Variants in CHD1L observed in about 807,000 individuals in gnomAD.
CHD1L encodes the protein chromodomain helicase DNA binding protein 1 like.
CHD1L carries 118 observed loss-of-function variants against 115.9 expected under a neutral mutation model. The ratio of observed to expected loss-of-function variants is 1.02; its 90% confidence interval spans 0.88 to 1.19. The LOEUF (loss-of-function observed/expected upper bound fraction) is 1.19, where lower values mean the gene tolerates loss of function less well. Ranked by LOEUF, CHD1L falls within the 50% of genes most tolerant of loss-of-function variation. The pLI is 0.00. For missense variants in CHD1L, 1,179 were observed against 1,065.3 expected, an observed-to-expected ratio of 1.11 and a Z score of -1.49; for synonymous variants, 411 against 387.1, an observed-to-expected ratio of 1.06 and a Z score of -0.72.
At chr1:147,283,574 C>T (rs1681787473) in intron 15 of CHD1L, among the ~76,000 whole-genome samples, 1 of 152,158 alleles carries the variant, frequency 6.6e-6, no homozygotes, top group African/African-American at 2.4e-5. Context: ...TACTCTTTTA[C>T]ACAGTTGGAA....
chr1:147,215,860 T>C, the CHD1L span: 4 of 1,613,414 alleles, frequency 2.5e-6, no homozygotes, highest in South Asian at 1.1e-5. Flanking sequence ...TGGGATTGGA[T>C]AGTCACTGAA....
the CHD1L span, among the ~76,000 whole-genome samples, chr1:147,206,664 C>CA: frequency 6.6e-6 from 1 of 152,002 alleles, no homozygotes; most frequent in African/African-American, 2.4e-5. Context: ...ATCGCAAGGA[C>CA]AAAAAACCAA....
chr1:147,270,801 A>G lies in CHD1L; in HGVS notation c.1086-131A>G, dbSNP rs182633078. On this transcript the variant is annotated intron_variant, in intron 10 of 22. Coordinates refer to ENST00000369258, the MANE Select transcript of CHD1L (RefSeq NM_004284.6). ...TTGGAGGTTCTGAGGCAGTCTATAA[A>G]TCATACGACACTTATATTTCTACTT... 2.7e-4 allele frequency: 197 copies of G among 720,132 alleles called. No homozygotes were observed. The African/African-American group carries it at 3.1e-3, about 11-fold the overall frequency. 44.6% of individuals were successfully genotyped at this position (720,132 alleles called of 1,614,324 possible). A position where few individuals can be genotyped will look rare whatever the true frequency, so the allele number is the denominator to read the frequency against.
the CHD1L span, among the ~76,000 whole-genome samples, chr1:147,206,888 CA>C: frequency 2.0e-5 from 3 of 151,784 alleles, no homozygotes; most frequent in East Asian, 5.8e-4. Flanking sequence ...ACATATATAA[CA>C]AACCTGCACG....
At chr1:147,199,757 GC>G in the CHD1L span, among the ~76,000 whole-genome samples, 1 of 152,172 alleles carries the variant, frequency 6.6e-6, no homozygotes, top group Admixed American at 6.5e-5. Flanking sequence ...TACATAATCT[GC>G]TGGATAGGAC....
At chr1:147,214,548 C>T in the CHD1L span, among the ~76,000 whole-genome samples, 1 of 151,912 alleles carries the variant, frequency 6.6e-6, no homozygotes, top group Non-Finnish European at 1.5e-5. Flanking sequence ...TGTTCTTTTA[C>T]ACAGGCTGGT....
intron 1 of CHD1L, among the ~76,000 whole-genome samples, chr1:147,243,779 A>G (rs1553932608): frequency 6.6e-6 from 1 of 152,214 alleles, no homozygotes; most frequent in Admixed American, 6.5e-5. Flanking sequence ...GAGCAAAACA[A>G]ATAGGGACCC....
chr1:147,269,930 T>C (rs1322754651), intron 10 of CHD1L, among the ~76,000 whole-genome samples: 1 of 152,178 alleles, frequency 6.6e-6, no homozygotes, highest in African/African-American at 2.4e-5. Context: ...CTGTATTTCA[T>C]TGGTTCTCGT....
chr1:147,294,156 C>G (rs1686678782), intron 21 of CHD1L, among the ~76,000 whole-genome samples: 1 of 152,138 alleles, frequency 6.6e-6, no homozygotes, highest in Admixed American at 6.5e-5. Flanking sequence ...GTTAGAGAAT[C>G]TTTGCTTATT....
intron 20 of CHD1L, among the ~76,000 whole-genome samples, chr1:147,292,929 C>A (rs1686110827): frequency 6.6e-6 from 1 of 152,198 alleles, no homozygotes; most frequent in Non-Finnish European, 1.5e-5. Flanking sequence ...CCAAACTACA[C>A]AGTGACTAAC....
intron 9 of CHD1L, 104 bp from the exon 10 acceptor site, chr1:147,268,678 A>T (rs1674919227): frequency 1.2e-6 from 1 of 812,780 alleles, no homozygotes; most frequent in African/African-American, 1.7e-5. Context: ...TCATGCAAAC[A>T]ACTACTTATA....
intron 17 of CHD1L, among the ~76,000 whole-genome samples, chr1:147,286,084 C>T (rs1553965434): frequency 6.6e-6 from 1 of 152,192 alleles, no homozygotes; most frequent in African/African-American, 2.4e-5. Flanking sequence ...AAAACAGGAA[C>T]ATTCAGGGAG....
rs116279006 is a variant in CHD1L at position 147,245,561 on chromosome 1, G to A, written c.127+2731G>A. ...CTCCAGGCCTTTCGACAATTTTGTG[G>A]TGATCTAATTCCCTGTATTACATTC... On this transcript the variant is annotated intron_variant, in intron 1 of 22. Transcript: ENST00000369258. Among the ~76,000 whole-genome samples, 1,088 of 152,220 alleles carry A rather than the reference G, an allele frequency of 7.1e-3. 13 individuals carry two copies. The highest frequency in any genetic ancestry group is 0.025 in the African/African-American group (1,022 of 41,522).
chr1:147,216,338 C>T, the CHD1L span, among the ~76,000 whole-genome samples: 1 of 152,166 alleles, frequency 6.6e-6, no homozygotes, highest in Non-Finnish European at 1.5e-5. Context: ...TATGGCCAGT[C>T]CCCAAAAATT....
At chr1:147,217,545 C>A in the CHD1L span, among the ~76,000 whole-genome samples, 2 of 152,160 alleles carry the variant, frequency 1.3e-5, no homozygotes, top group Non-Finnish European at 1.5e-5. Context: ...CTTTGTCCAC[C>A]TTTAGGATTG....
At chr1:147,184,334 A>T in the CHD1L span, 1 of 768,986 alleles carries the variant, frequency 1.3e-6, no homozygotes, top group South Asian at 4.9e-5. The surrounding 1 kb of genome is among the most constrained non-coding windows in gnomAD (Gnocchi z 4.4). Context: ...TTTATTGTTG[A>T]CATTTTACAT....
the CHD1L span, among the ~76,000 whole-genome samples, chr1:147,181,262 T>A: frequency 6.6e-6 from 1 of 152,308 alleles, no homozygotes; most frequent in East Asian, 1.9e-4. Flanking sequence ...GGGAGGTTTC[T>A]TACCACCTTA....
the CHD1L span, among the ~76,000 whole-genome samples, chr1:147,187,512 A>C: frequency 3.9e-5 from 6 of 152,220 alleles, no homozygotes; most frequent in African/African-American, 1.2e-4. Context: ...AGAGAGCTGT[A>C]ATCGTTAGGT....
the CHD1L span, chr1:147,212,392 C>T: frequency 6.2e-7 from 1 of 1,613,820 alleles, no homozygotes; most frequent in Middle Eastern, 1.7e-4. Context: ...GTGATTCAAA[C>T]CTGCTTGGCT....
Sources: allele counts gnomAD v4.1 joint callset (sites outside exome capture counted in the v4.1 genomes callset), GRCh38; gene constraint gnomAD v4.1.1; non-coding constraint Gnocchi (gnomAD v3.1); transcripts MANE v1.5; gene names NCBI Gene and HGNC (gene_info 2026-07-23, HGNC 2026-07-21).